The following CTNND2 variants were observed in gnomAD, a reference collection of about 807,000 sequenced individuals.
CTNND2 encodes the protein catenin delta 2.
In CTNND2, 22 loss-of-function variants were observed where a neutral mutation model predicts 144.4. That is an observed-to-expected ratio of 0.15 (90% CI 0.11 to 0.22). The LOEUF is 0.22. Ranked by LOEUF, CTNND2 falls within the 10% of genes least tolerant of loss-of-function variation. The pLI is 1.00. For missense variants in CTNND2, 1,353 were observed against 1,618.8 expected (o/e 0.84, Z 2.82); for synonymous variants, 751 against 695.6 (o/e 1.08, Z -1.25).
intron 1 of CTNND2, among the ~76,000 whole-genome samples, chr5:11,879,298 T>C (rs879452678): frequency 2.2e-5 from 3 of 137,304 alleles, no homozygotes; most frequent in Non-Finnish European, 3.1e-5. Context: ...CAAAATGAAA[T>C]ATAAAAATCA....
chr5:11,052,119 G>A (rs1745896982), intron 16 of CTNND2, among the ~76,000 whole-genome samples: 2 of 152,142 alleles, frequency 1.3e-5, no homozygotes, highest in Admixed American at 1.3e-4. Flanking sequence ...GGGTGTACAG[G>A]TGTGGACTCA....
At chr5:11,687,635 G>A (rs1229497487) in intron 2 of CTNND2, among the ~76,000 whole-genome samples, 1 of 152,126 alleles carries the variant, frequency 6.6e-6, no homozygotes, top group African/African-American at 2.4e-5. Flanking sequence ...ACAGTACTTG[G>A]CTCACACACA....
Position 11,443,246 on chromosome 5 carries a change from G to GC in CTNND2, c.288-31178_288-31177insG, listed in dbSNP as rs1764455606. On this transcript the variant is annotated intron_variant, in intron 3 of 21. Coordinates refer to ENST00000304623, the MANE Select transcript of CTNND2 (RefSeq NM_001332.4). The stretch of plus-strand genomic sequence containing the variant: ...GTGTATGTGTGTGTGATGTGTGTGT[G>GC]TGTGTGCTGTGTGTGGTGTGTGTGT... 8.0e-5 allele frequency among the ~76,000 whole-genome samples: 10 copies of GC among 124,440 alleles called. No homozygotes were observed. In the South Asian group the frequency reaches 1.3e-3, roughly 16 times the overall value. 81.6% of individuals were successfully genotyped at this position (124,440 alleles called of 152,430 possible). A position where few individuals can be genotyped will look rare whatever the true frequency, so the allele number is the denominator to read the frequency against.
rs1793033976 is a variant in CTNND2, at chr5:11,817,417, GAGAGAGAGAGAGAGAGA to G, written c.38-85162_38-85146del. On this transcript the variant is annotated intron_variant, in intron 1 of 21. Coordinates refer to ENST00000304623, the MANE Select transcript of CTNND2 (RefSeq NM_001332.4). ...GAGAGAGAGAGAGAGGAGGGAGAGA[GAGAGAGAGAGAGAGAGA>G]GAGAGAGAGAGAGAGAGAGAGAGAG... 3.7e-3 allele frequency among the ~76,000 whole-genome samples: 2 copies of G among 546 alleles called. 1 individual carries two copies. Among genetic ancestry groups the G allele is most frequent in the Admixed American group, 0.067 (2 of 30 alleles). 0.4% of individuals were successfully genotyped at this position (546 alleles called of 152,430 possible).
chr5:11,237,927 T>A (rs27519), intron 9 of CTNND2, among the ~76,000 whole-genome samples: 17,808 of 152,244 alleles, frequency 0.12, 1,145 homozygotes, highest in South Asian at 0.19. Flanking sequence ...GACTTTATAA[T>A]AGGAAATTAT....
intron 1 of CTNND2, among the ~76,000 whole-genome samples, chr5:11,866,594 A>C (rs1389142188): frequency 6.6e-6 from 1 of 152,222 alleles, no homozygotes; most frequent in African/African-American, 2.4e-5. Context: ...GAACTGAAGG[A>C]GATTTTGTAC....
chr5:11,398,843 TCTGGGTGCCAGG>T (rs6148909), intron 5 of CTNND2, among the ~76,000 whole-genome samples: 8,718 of 152,274 alleles, frequency 0.057, 569 homozygotes, highest in African/African-American at 0.15. Flanking sequence ...AGAATTTGAT[TCTGGGTGCCAGG>T]AACGTATTGT....
intron 9 of CTNND2, among the ~76,000 whole-genome samples, chr5:11,269,483 A>C (rs1745780379): frequency 6.6e-6 from 1 of 152,236 alleles, no homozygotes; most frequent in Non-Finnish European, 1.5e-5. Context: ...AGAAGGATCT[A>C]GATTTCAGGC....
At chr5:11,662,257 A>ATATATATACATATATATGTG (rs1561669560) in intron 2 of CTNND2, among the ~76,000 whole-genome samples, 80 of 135,110 alleles carry the variant, frequency 5.9e-4, no homozygotes, top group African/African-American at 2.4e-3. Context: ...ATATGTGTGT[A>ATATATATACATATATATGTG]TATATGTGTG....
At chr5:11,891,649 A>C (rs1736972487) in intron 1 of CTNND2, among the ~76,000 whole-genome samples, 1 of 152,220 alleles carries the variant, frequency 6.6e-6, no homozygotes, top group South Asian at 2.1e-4. Flanking sequence ...AAAGAGCAGG[A>C]AGGCGGCCAT....
At chr5:11,248,957 G>C (rs1743292540) in intron 9 of CTNND2, among the ~76,000 whole-genome samples, 1 of 152,224 alleles carries the variant, frequency 6.6e-6, no homozygotes, top group Admixed American at 6.5e-5. Flanking sequence ...ATTGAGCAGA[G>C]ATACTTCCTC....
At chr5:11,532,763 G>C (rs1006249886) in intron 3 of CTNND2, among the ~76,000 whole-genome samples, 1 of 152,212 alleles carries the variant, frequency 6.6e-6, no homozygotes, top group African/African-American at 2.4e-5. Flanking sequence ...TCAGGAAATA[G>C]ACTTTAATCA....
At chr5:11,892,233 C>T (rs1737028416) in intron 1 of CTNND2, among the ~76,000 whole-genome samples, 1 of 152,206 alleles carries the variant, frequency 6.6e-6, no homozygotes, top group Admixed American at 6.5e-5. Flanking sequence ...TTTCCACATG[C>T]CAATGATTTC....
chr5:11,090,670 T>C (rs895746028), intron 15 of CTNND2, among the ~76,000 whole-genome samples: 6 of 152,086 alleles, frequency 3.9e-5, no homozygotes, highest in East Asian at 1.9e-4. Context: ...CACGGAAAAA[T>C]TGTCTTCCAC....
At position 11,252,726 on chromosome 5, in the gene CTNND2, C is replaced by T. The variant is rs554873756; in HGVS notation, c.1629-15903G>A. ...AATTAACCACAGGCTCTCTTCAGAG[C>T]CCACAGTCTTACCCAGGTGGCTCAC... is the stretch of plus-strand genomic sequence containing the variant. On this transcript the variant is annotated intron_variant, in intron 9 of 21. Transcript: ENST00000304623. Among the ~76,000 whole-genome samples the T allele has an allele frequency of 6.6e-5, 10 of 152,274 alleles. No individual in the cohort carries two copies. In the South Asian group the frequency reaches 2.1e-3, roughly 32 times the overall value.
chr5:11,695,039 C>A (rs972006966), intron 2 of CTNND2, among the ~76,000 whole-genome samples: 3 of 151,918 alleles, frequency 2.0e-5, no homozygotes, highest in Admixed American at 1.3e-4. Context: ...TTAGGGTTAT[C>A]GAACAGTTAG....
chr5:11,408,695 C>T (rs557042204), intron 5 of CTNND2, among the ~76,000 whole-genome samples: 1 of 152,080 alleles, frequency 6.6e-6, no homozygotes, highest in Admixed American at 6.5e-5. Flanking sequence ...TGTGGAAAGA[C>T]CATACTGGAG....
intron 8 of CTNND2, among the ~76,000 whole-genome samples, chr5:11,354,863 T>C (rs966706787): frequency 1.3e-5 from 2 of 152,160 alleles, no homozygotes; most frequent in Non-Finnish European, 2.9e-5. Context: ...AAACAAGTCT[T>C]AACAAATTTA....
At chr5:11,049,538 C>T (rs867337181) in intron 16 of CTNND2, among the ~76,000 whole-genome samples, 9 of 152,216 alleles carry the variant, frequency 5.9e-5, no homozygotes, top group Middle Eastern at 3.4e-3. Flanking sequence ...GAAATATCAC[C>T]CTCCCCACGG....
Sources: allele counts gnomAD v4.1 joint callset (sites outside exome capture counted in the v4.1 genomes callset), GRCh38; gene constraint gnomAD v4.1.1; transcripts MANE v1.5; gene names NCBI Gene and HGNC (gene_info 2026-07-23, HGNC 2026-07-21).